Variants in UBXN4 observed in about 807,000 individuals in gnomAD.
The protein encoded by UBXN4 is UBX domain-containing protein 4.
A neutral mutation model predicts 66.2 loss-of-function variants in UBXN4; 35 were observed. The ratio of observed to expected loss-of-function variants is 0.53; its 90% CI spans 0.40 to 0.70. The LOEUF (loss-of-function observed/expected upper bound fraction) is 0.70. Among genes scored for constraint, UBXN4 ranks in the 30% least tolerant of loss-of-function variants. UBXN4 has a pLI of 0.00. For synonymous variants in UBXN4, 203 were observed against 204.5 expected, an observed-to-expected ratio of 0.99 and a Z score of 0.06; for missense variants, 533 against 599.8, an observed-to-expected ratio of 0.89 and a Z score of 1.16.
chr2:135,747,841 G>A (rs1386459979), intron 1 of UBXN4: 5 of 355,598 alleles, frequency 1.4e-5, no homozygotes, highest in Non-Finnish European at 2.2e-5. Context: ...GTCTGGTCTC[G>A]AATTCCTGGC....
intron 9 of UBXN4, among the ~76,000 whole-genome samples, chr2:135,775,520 G>GA (rs1004778374): frequency 6.6e-6 from 1 of 152,070 alleles, no homozygotes; most frequent in Admixed American, 6.5e-5. Context: ...CAATTTCCAT[G>GA]AAAAAAGCAA....
At chr2:135,749,181 C>T (rs1482273293) in intron 2 of UBXN4, among the ~76,000 whole-genome samples, 1 of 152,166 alleles carries the variant, frequency 6.6e-6, no homozygotes. Flanking sequence ...AAGCAGCCAT[C>T]TAACATGTAC....
rs764221227 is a variant in UBXN4 at position 135,782,781 on chromosome 2, G to A, written c.1421G>A (p.Arg474His). The change falls in exon 13 of 13, where the codon CGT becomes CAT. Residue 474 changes from arginine (R) to histidine (H), a missense_variant. By Grantham distance (29) the Arg-to-His change is conservative. This residue lies in a region of UBXN4 where 529 missense variants were observed against 580.1 expected (regional missense o/e 0.91). Transcript: ENST00000272638. ...GTGAGAAAAAGAGTGCTGGAAAAAC[G>A]TGGAGACGACTTTAAAAAGGAGGGG... The part of the protein sequence containing the change: ...EPVRKRVLEK[R>H]GDDFKKEGKI... 26 of 1,613,924 alleles carry A rather than the reference G, an allele frequency of 1.6e-5. No individual in the cohort carries two copies. The highest frequency in any genetic ancestry group is 1.7e-4 in the Middle Eastern group (1 of 6,056).
At chr2:135,779,308 C>T (rs1182047361) in intron 11 of UBXN4, among the ~76,000 whole-genome samples, 1 of 64,390 alleles carries the variant, frequency 1.6e-5, no homozygotes, top group Non-Finnish European at 3.1e-5. Context: ...TTTTTCTTCA[C>T]ATATTTTTGT....
intron 5 of UBXN4, among the ~76,000 whole-genome samples, chr2:135,756,558 C>T (rs1299556099): frequency 6.6e-6 from 1 of 152,266 alleles, no homozygotes; most frequent in Non-Finnish European, 1.5e-5. Flanking sequence ...GGTTTTACAT[C>T]GGATGGATCA....
chr2:135,753,782 A>C, intron 3 of UBXN4: 1 of 477,946 alleles, frequency 2.1e-6, no homozygotes. Flanking sequence ...TGCACCCCAT[A>C]CATTGAGATA....
chr2:135,754,352 C>T lies in UBXN4; in HGVS notation c.333+75C>T, dbSNP rs1356252569. Reference sequence around the variant, plus strand: ...GATTTTTTTTTTTGAGATGGAGTCTCGTTCTGTCGCCCAGGCTGGAGTGCA... The same window carrying T: ...GATTTTTTTTTTTGAGATGGAGTCTTGTTCTGTCGCCCAGGCTGGAGTGCA... On this transcript the variant is annotated intron_variant, in intron 4 of 12. Coordinates refer to ENST00000272638, the MANE Select transcript of UBXN4 (RefSeq NM_014607.4). 1.2e-5 allele frequency: 14 copies of T among 1,153,304 alleles called. 1 individual carries two copies. The highest frequency in any genetic ancestry group is 2.6e-5 in the South Asian group (2 of 75,974). 71.4% of individuals were successfully genotyped at this position (1,153,304 alleles called of 1,614,324 possible). A position where few individuals can be genotyped will look rare whatever the true frequency, so the allele number is the denominator to read the frequency against.
intron 8 of UBXN4, 56 bp from the exon 9 acceptor site, chr2:135,772,364 G>T: frequency 6.3e-7 from 1 of 1,580,238 alleles, no homozygotes; most frequent in Non-Finnish European, 8.6e-7. Flanking sequence ...GTTTGGAATT[G>T]TGTGAATTAA....
chr2:135,781,897 G>A (rs894496711), intron 12 of UBXN4, among the ~76,000 whole-genome samples: 1 of 152,086 alleles, frequency 6.6e-6, no homozygotes, highest in East Asian at 1.9e-4. Flanking sequence ...ACATAGTGAG[G>A]CTCCATCTCT....
In UBXN4 at chr2:135,784,709, T is replaced by TAATA. The variant is rs1214956832; in HGVS notation, c.*1824_*1827dup. The TAATA allele has an allele frequency of 1.3e-5, 2 of 152,654 alleles. No homozygotes were observed. The highest frequency in any genetic ancestry group is 2.9e-5 in the Non-Finnish European group (2 of 68,038). The allele number at this position is 152,654 out of a possible 1,614,324, so 9.5% of individuals were successfully genotyped here. A position where few individuals can be genotyped will look rare whatever the true frequency, so the allele number is the denominator to read the frequency against. ...AGCTGTCAAATAGGTGTGACCCTAC[T>TAATA]AATAATTATTAGAAATACATTTAAA... On this transcript the variant is annotated 3_prime_UTR_variant, in exon 13 of 13. Transcript: ENST00000272638.
rs748653348 is a variant in UBXN4, at chr2:135,741,893, C to G, written c.-37C>G. Reference sequence around the variant, plus strand: ...GGAGCCGGCTTCGGGACTGCGGAGACTACACACCGAGCGAGCGCCTGGGCC... The same window carrying G: ...GGAGCCGGCTTCGGGACTGCGGAGAGTACACACCGAGCGAGCGCCTGGGCC... On this transcript the variant is annotated 5_prime_UTR_variant, in exon 1 of 13. Transcript: ENST00000272638. 7 of 1,596,644 alleles carry G rather than the reference C, an allele frequency of 4.4e-6. No individual in the cohort carries two copies. The Admixed American group carries it at 5.2e-5, about 12-fold the overall frequency.
intron 1 of UBXN4, 65 bp downstream of exon 1, chr2:135,742,076 A>C: frequency 6.4e-7 from 1 of 1,557,546 alleles, no homozygotes; most frequent in Non-Finnish European, 8.7e-7. Flanking sequence ...ATCCTCTTGT[A>C]TACCTCAGCC....
At chr2:135,749,999 C>G (rs1479988927) in intron 2 of UBXN4, among the ~76,000 whole-genome samples, 2 of 152,126 alleles carry the variant, frequency 1.3e-5, no homozygotes, top group Admixed American at 6.6e-5. Context: ...TAGGTAGATT[C>G]AGGTTTGTTT....
At chr2:135,770,539 T>C in intron 7 of UBXN4, 32 bp from the exon 8 acceptor site, 1 of 1,359,614 alleles carries the variant, frequency 7.4e-7, no homozygotes, top group Non-Finnish European at 9.7e-7. Context: ...ATTATCAAGT[T>C]TTTGGATCAT....
intron 1 of UBXN4, among the ~76,000 whole-genome samples, chr2:135,744,188 A>G (rs2077193606): frequency 6.6e-6 from 1 of 152,232 alleles, no homozygotes; most frequent in Non-Finnish European, 1.5e-5. Context: ...AGATCTCAGT[A>G]ATAATATACC....
At chr2:135,768,530 C>T (rs1575321014) in intron 6 of UBXN4, among the ~76,000 whole-genome samples, 1 of 150,768 alleles carries the variant, frequency 6.6e-6, no homozygotes, top group Admixed American at 6.6e-5. Context: ...GGTTTCATTA[C>T]GTTGCATTAC....
At chr2:135,759,800 G>A (rs1326130858) in intron 5 of UBXN4, among the ~76,000 whole-genome samples, 6 of 107,684 alleles carry the variant, frequency 5.6e-5, no homozygotes, top group East Asian at 3.1e-4. Context: ...AGACAGTCTC[G>A]CTCTGTCTCC....
At chr2:135,764,661 C>A (rs553377776) in intron 6 of UBXN4, among the ~76,000 whole-genome samples, 1 of 152,226 alleles carries the variant, frequency 6.6e-6, no homozygotes, top group African/African-American at 2.4e-5. Flanking sequence ...CACCACCACA[C>A]CCGGCTAATT....
At chr2:135,756,467 C>G (rs1362924793) in intron 5 of UBXN4, among the ~76,000 whole-genome samples, 1 of 152,134 alleles carries the variant, frequency 6.6e-6, no homozygotes, top group Non-Finnish European at 1.5e-5. Context: ...CCATAACTTC[C>G]TGTTAACATT....
Sources: gnomAD v4.1 joint callset for allele counts (sites outside exome capture counted in the v4.1 genomes callset) on GRCh38, gnomAD v4.1.1 for gene constraint, gnomAD v4.1.1 regional missense constraint, MANE v1.5 for transcripts, NCBI Gene and HGNC (gene_info 2026-07-23, HGNC 2026-07-21) for gene names.